Variants in COL19A1 observed in about 807,000 individuals in gnomAD.
COL19A1 encodes the protein collagen type XIX alpha 1 chain, also known as collagen alpha-1(XIX) chain.
Under a neutral mutation model 190.2 loss-of-function variants are expected in COL19A1, and 159 were observed. That is an observed-to-expected ratio of 0.84 (90% CI 0.73 to 0.95). The LOEUF (loss-of-function observed/expected upper bound fraction) is 0.95, where lower values mean the gene tolerates loss of function less well. Ranked by LOEUF, COL19A1 falls within the 40% of genes least tolerant of loss-of-function variation. COL19A1 has a pLI of 0.00. For synonymous variants in COL19A1, 509 were observed against 458.9 expected (o/e 1.11, Z -1.39); for missense variants, 1,418 against 1,431.9 (o/e 0.99, Z 0.16).
At chr6:69,929,131 G>A (rs1159607930) in intron 5 of COL19A1, among the ~76,000 whole-genome samples, 3 of 148,460 alleles carry the variant, frequency 2.0e-5, no homozygotes, top group African/African-American at 7.6e-5. Context: ...CTTATAAATG[G>A]TTTATATAAA....
At chr6:69,872,697 T>C (rs1318765213) in intron 1 of COL19A1, among the ~76,000 whole-genome samples, 15 of 152,186 alleles carry the variant, frequency 9.9e-5, no homozygotes, top group Non-Finnish European at 1.5e-5. Flanking sequence ...GGCTAGGCCT[T>C]CAGCCACTTA....
intron 42 of COL19A1, among the ~76,000 whole-genome samples, chr6:70,179,321 G>A (rs1435353298): frequency 6.6e-6 from 1 of 152,064 alleles, no homozygotes; most frequent in Admixed American, 6.5e-5. Flanking sequence ...TACATCCCAC[G>A]TCGTCTATCT....
At chr6:70,003,660 G>A (rs1490678665) in intron 11 of COL19A1, among the ~76,000 whole-genome samples, 1 of 151,640 alleles carries the variant, frequency 6.6e-6, no homozygotes, top group African/African-American at 2.4e-5. Context: ...AATCGTAGTT[G>A]GTTTAAAGTC....
intron 2 of COL19A1, among the ~76,000 whole-genome samples, chr6:69,884,860 CTTT>C (rs551532506): frequency 6.9e-6 from 1 of 144,228 alleles, no homozygotes; most frequent in Non-Finnish European, 1.5e-5. Flanking sequence ...GCTCTTTTCT[CTTT>C]TTTTTTTTTT....
intron 4 of COL19A1, among the ~76,000 whole-genome samples, chr6:69,906,469 G>T (rs535754599): frequency 2.0e-5 from 3 of 152,070 alleles, no homozygotes; most frequent in Admixed American, 2.0e-4. Flanking sequence ...AAGAGGGAGG[G>T]AGGAGTGAGC....
At chr6:70,033,814 A>T (rs904816434) in intron 12 of COL19A1, among the ~76,000 whole-genome samples, 1 of 152,098 alleles carries the variant, frequency 6.6e-6, no homozygotes, top group Non-Finnish European at 1.5e-5. Context: ...TCACAATTAG[A>T]TTTCTTGATA....
At chr6:69,944,705 G>A (rs1298833764) in intron 9 of COL19A1, among the ~76,000 whole-genome samples, 2 of 151,734 alleles carry the variant, frequency 1.3e-5, no homozygotes, top group African/African-American at 4.8e-5. Flanking sequence ...CTACTATGAT[G>A]GTTTATTAAT....
chr6:70,031,332 A>G (rs1488637836), intron 12 of COL19A1, among the ~76,000 whole-genome samples: 2 of 151,812 alleles, frequency 1.3e-5, no homozygotes, highest in African/African-American at 4.8e-5. Context: ...TAGGTTGTCC[A>G]TTTTCCAAGT....
chr6:70,136,887 T>C (rs1373967965), intron 18 of COL19A1, among the ~76,000 whole-genome samples: 1 of 152,012 alleles, frequency 6.6e-6, no homozygotes, highest in Non-Finnish European at 1.5e-5. Flanking sequence ...CTCTTGAAGT[T>C]AGGGAAAAAA....
At chr6:70,133,429 A>T (rs995692987) in intron 18 of COL19A1, among the ~76,000 whole-genome samples, 1 of 152,174 alleles carries the variant, frequency 6.6e-6, no homozygotes, top group African/African-American at 2.4e-5. Context: ...ATGGCCATGG[A>T]GACCATCCAC....
intron 15 of COL19A1, among the ~76,000 whole-genome samples, chr6:70,074,626 T>G (rs1781767206): frequency 6.6e-6 from 1 of 152,096 alleles, no homozygotes; most frequent in African/African-American, 2.4e-5. Flanking sequence ...CAGGGTCTGG[T>G]AGAAACCACT....
rs531935038 is a variant in COL19A1, at chr6:70,174,636, T to C, written c.2623-1884T>C. ...CAGACATTCAGGTAAAGACACAGAATAGGAGGGGAGTTGGATTTCAACAAT... is the reference window on the plus strand; with the variant it reads ...CAGACATTCAGGTAAAGACACAGAACAGGAGGGGAGTTGGATTTCAACAAT... On this transcript the variant is annotated intron_variant, in intron 41 of 50. Transcript: ENST00000620364. 1.8e-4 allele frequency among the ~76,000 whole-genome samples: 28 copies of C among 151,706 alleles called. No individual in the cohort carries two copies. In the South Asian group the frequency reaches 5.8e-3, roughly 32 times the overall value.
intron 1 of COL19A1, among the ~76,000 whole-genome samples, chr6:69,874,607 C>T (rs1270867432): frequency 6.6e-6 from 1 of 151,976 alleles, no homozygotes; most frequent in African/African-American, 2.4e-5. Context: ...AAAAATTAGC[C>T]GGGCATGGTG....
At chr6:69,921,450 A>ATATTCATATATTCATAT (rs368825990) in intron 4 of COL19A1, among the ~76,000 whole-genome samples, 8 of 26,102 alleles carry the variant, frequency 3.1e-4, no homozygotes, top group African/African-American at 3.7e-4. Flanking sequence ...TATATCATAT[A>ATATTCATATATTCATAT]TCATATATAT....
At chr6:70,124,057 A>G (rs1200580717) in intron 17 of COL19A1, among the ~76,000 whole-genome samples, 1 of 152,072 alleles carries the variant, frequency 6.6e-6, no homozygotes, top group African/African-American at 2.4e-5. Context: ...TGTCATTTGC[A>G]GCAACATGGA....
chr6:70,199,877 T>C, intron 49 of COL19A1, 141 bp downstream of exon 49: 1 of 727,272 alleles, frequency 1.4e-6, no homozygotes, highest in Non-Finnish European at 2.2e-6. Flanking sequence ...ATATATAAAA[T>C]GGTTTCATAT....
chr6:69,938,060 C>T lies in COL19A1; in HGVS notation c.896C>T (p.Ala299Val). 1.2e-6 allele frequency: 2 copies of T among 1,612,682 alleles called. No individual in the cohort carries two copies. Among genetic ancestry groups the T allele is most frequent in the South Asian group, 1.1e-5 (1 of 91,040 alleles). Residue 299 changes from alanine to valine, a missense_variant, in exon 9 of 51, where the codon GCT (alanine) becomes GTT (valine). By Grantham distance (64) the Ala-to-Val change is moderately conservative. Coordinates refer to ENST00000620364, the MANE Select transcript of COL19A1 (RefSeq NM_001858.6). Reference sequence around the variant, plus strand: ...CAGGGAGAAGCAGGATTACCAGGAGCTCCGGGTTCACCTGGGCAGAAAGGG... The same window carrying T: ...CAGGGAGAAGCAGGATTACCAGGAGTTCCGGGTTCACCTGGGCAGAAAGGG... ...PNKGEAGLPG[A>V]PGSPGQKGHK...
intron 1 of COL19A1, among the ~76,000 whole-genome samples, chr6:69,877,678 A>G (rs1343642299): frequency 6.6e-6 from 1 of 152,120 alleles, no homozygotes; most frequent in Non-Finnish European, 1.5e-5. Context: ...ATCATTGTAT[A>G]TTATACAATG....
chr6:70,147,603 T>C (rs1245064631), intron 27 of COL19A1, among the ~76,000 whole-genome samples: 1 of 152,208 alleles, frequency 6.6e-6, no homozygotes, highest in Non-Finnish European at 1.5e-5. Context: ...TGTTTTCATA[T>C]TATGCTCTTA....
Sources: gnomAD v4.1 joint callset for allele counts (sites outside exome capture counted in the v4.1 genomes callset) on GRCh38, gnomAD v4.1.1 for gene constraint, MANE v1.5 for transcripts, NCBI Gene and HGNC (gene_info 2026-07-23, HGNC 2026-07-21) for gene names.